SPPL2B: variants seen among roughly 807,000 people sequenced by gnomAD.
The protein encoded by SPPL2B is signal peptide peptidase-like 2B.
Under a neutral mutation model 59.7 loss-of-function variants are expected in SPPL2B, and 39 were observed. The observed-to-expected ratio is 0.65, with a 90% CI of 0.51 to 0.85. The LOEUF (loss-of-function observed/expected upper bound fraction) is 0.85, where lower values mean the gene tolerates loss of function less well. Ranked by LOEUF, SPPL2B falls within the 40% of genes least tolerant of loss-of-function variation. SPPL2B has a pLI of 0.00. For missense variants in SPPL2B, 865 were observed against 849.0 expected (o/e 1.02, Z -0.23); for synonymous variants, 419 against 370.8 (o/e 1.13, Z -1.49).
At position 2,353,352 on chromosome 19, in the gene SPPL2B, C is replaced by A; in HGVS notation, c.*143C>A. The A allele has an allele frequency of 9.2e-7, 1 of 1,085,802 alleles. No homozygotes were observed. Among genetic ancestry groups the A allele is most frequent in the Non-Finnish European group, 1.3e-6 (1 of 782,454 alleles). The allele number at this position is 1,085,802 out of a possible 1,614,324, so 67.3% of individuals were successfully genotyped here. Reference sequence around the variant, plus strand: ...CCACCCGCCCCAACATGGTGCTCATCCTTGCCGAGACCCCTGCGGTCTGTG... The same window carrying A: ...CCACCCGCCCCAACATGGTGCTCATACTTGCCGAGACCCCTGCGGTCTGTG... On this transcript the variant is annotated 3_prime_UTR_variant, in exon 15 of 15. Transcript: ENST00000613503.
chr19:2,337,462 A>G lies in SPPL2B; in HGVS notation c.206A>G (p.Asn69Ser), dbSNP rs1272390374. 5 of 1,608,090 alleles carry G rather than the reference A, an allele frequency of 3.1e-6. No individual in the cohort carries two copies. The highest frequency in any genetic ancestry group is 3.4e-6 in the Non-Finnish European group (4 of 1,176,494). The part of the protein sequence containing the change: ...LSKASFLQLR[N>S]WTASLLCSAA... ...TTCCAGTCTTTCCTGCAGCTGCGCA[A>G]CTGGACGGCCTCCCTGCTCTGCTCC... Residue 69 changes from asparagine (N) to serine (S), a missense_variant, in exon 3 of 15, where the codon AAC becomes AGC. Physicochemically the swap from Asn to Ser is conservative, Grantham distance 46. Transcript: ENST00000613503.
intron 10 of SPPL2B, 144 bp from the exon 11 acceptor site, chr19:2,344,218 C>A (rs1165413727): frequency 5.6e-6 from 3 of 536,516 alleles, no homozygotes; most frequent in African/African-American, 2.7e-5. Context: ...CACCCCATCA[C>A]CCTGCTCCCC....
chr19:2,337,249 C>A, intron 2 of SPPL2B, 194 bp from the exon 3 acceptor site: 1 of 516,246 alleles, frequency 1.9e-6, no homozygotes, highest in Non-Finnish European at 3.4e-6. Flanking sequence ...GATGAGGCAG[C>A]CCAGCCCGTC....
At position 2,346,053 on chromosome 19, in the gene SPPL2B, A is replaced by G. The variant is rs956879891; in HGVS notation, c.1354+723A>G. On this transcript the variant is annotated intron_variant, in intron 13 of 14. Coordinates refer to ENST00000613503, the MANE Select transcript of SPPL2B (RefSeq NM_152988.3). Reference sequence around the variant, plus strand: ...CTTTTTCTTCTTTGCCTTGTCTTCTACTGTTTCTTTTGTTATGAACGTATT... The same window carrying G: ...CTTTTTCTTCTTTGCCTTGTCTTCTGCTGTTTCTTTTGTTATGAACGTATT... Among the ~76,000 whole-genome samples, 4 of 151,020 alleles carry G rather than the reference A, an allele frequency of 2.6e-5. No homozygotes were observed. The South Asian group carries it at 6.3e-4, about 24-fold the overall frequency.
intron 6 of SPPL2B, 39 bp from the exon 7 acceptor site, chr19:2,340,037 G>A (rs770483932): frequency 1.3e-6 from 2 of 1,567,006 alleles, no homozygotes; most frequent in Non-Finnish European, 8.6e-7. Flanking sequence ...AGGGTGGCGT[G>A]CGGGCCTGGC....
intron 13 of SPPL2B, among the ~76,000 whole-genome samples, chr19:2,346,879 C>T (rs1228830446): frequency 2.6e-5 from 4 of 152,164 alleles, no homozygotes; most frequent in Non-Finnish European, 5.9e-5. Flanking sequence ...AATAGGGACG[C>T]TCCCCGTGGC....
intron 13 of SPPL2B, among the ~76,000 whole-genome samples, chr19:2,347,273 C>G (rs574328279): frequency 7.6e-6 from 1 of 131,380 alleles, no homozygotes; most frequent in African/African-American, 3.0e-5. Flanking sequence ...CACACACTCA[C>G]GCACTCTCAT....
intron 1 of SPPL2B, among the ~76,000 whole-genome samples, 163 bp from the exon 2 acceptor site, chr19:2,334,439 C>A (rs889962221): frequency 6.6e-6 from 1 of 152,220 alleles, no homozygotes; most frequent in African/African-American, 2.4e-5. Context: ...CGTATGGTCA[C>A]GTCCCTGTCT....
intron 8 of SPPL2B, chr19:2,341,267 G>C (rs1168704890): frequency 1.5e-6 from 1 of 659,086 alleles, no homozygotes; most frequent in Non-Finnish European, 2.8e-6. Context: ...GTGGCCAGGA[G>C]CCACGTCCTC....
rs1969264266 is a variant in SPPL2B at position 2,344,609 on chromosome 19, C to T, written c.1233C>T (p.Asp411=). The T allele has an allele frequency of 1.9e-6, 3 of 1,613,120 alleles. No homozygotes were observed. Among genetic ancestry groups the T allele is most frequent in the African/African-American group, 2.7e-5 (2 of 74,932 alleles). The part of the protein sequence containing the change: ...RLNSSPLALC[D]RPFSLLGFGD... ...ACTCCTCACCTCTGGCCCTGTGTGA[C>T]CGGCCCTTCTCCCTCCTGGGTTTCG... The change falls in exon 12 of 15, where the codon GAC becomes GAT. Residue 411 remains aspartate, a synonymous_variant. Coordinates refer to ENST00000613503, the MANE Select transcript of SPPL2B (RefSeq NM_152988.3).
intron 9 of SPPL2B, 21 bp downstream of exon 9, chr19:2,343,313 G>T (rs1476484272): frequency 6.5e-7 from 1 of 1,544,134 alleles, no homozygotes; most frequent in Non-Finnish European, 8.8e-7. Context: ...GGAGGGCACG[G>T]CTGCGGGGCA....
chr19:2,335,294 GCCCCGC>G lies in SPPL2B; in HGVS notation c.186+575_186+580del, dbSNP rs1471025529. 2.6e-3 allele frequency among the ~76,000 whole-genome samples: 348 copies of G among 133,938 alleles called. 45 individuals are homozygous for G. Among genetic ancestry groups the G allele is most frequent in the Admixed American group, 0.025 (337 of 13,308 alleles). The allele number at this position is 133,938 out of a possible 152,430, so 87.9% of individuals were successfully genotyped here. A position where few individuals can be genotyped will look rare whatever the true frequency, so the allele number is the denominator to read the frequency against. Reference sequence around the variant, plus strand: ...CCTCCTTTCCCACTGCATCCTTCAGGCCCCGCCTCCTTTCCCACTGCATCCTTCAGG... The same window carrying G: ...CCTCCTTTCCCACTGCATCCTTCAGGCTCCTTTCCCACTGCATCCTTCAGG... On this transcript the variant is annotated intron_variant, in intron 2 of 14. Coordinates refer to ENST00000613503, the MANE Select transcript of SPPL2B (RefSeq NM_152988.3).
At chr19:2,351,033 G>C (rs1969898399) in intron 13 of SPPL2B, among the ~76,000 whole-genome samples, 1 of 152,212 alleles carries the variant, frequency 6.6e-6, no homozygotes, top group Non-Finnish European at 1.5e-5. Flanking sequence ...AGGGTTTTCT[G>C]GTCAGGCACA....
In SPPL2B at chr19:2,354,385, C is replaced by G. The variant is rs1008782007; in HGVS notation, c.*1176C>G. ...CTTCCGAAGCAGCGCTCCCTGTGGC[C>G]GCAGAGACAGAGCCCGCACCCTGGC... On this transcript the variant is annotated 3_prime_UTR_variant, in exon 15 of 15. Transcript: ENST00000613503. 6.6e-6 allele frequency: 1 copy of G among 152,326 alleles called. No homozygotes were observed. The highest frequency in any genetic ancestry group is 1.5e-5 in the Non-Finnish European group (1 of 68,136). 9.4% of individuals were successfully genotyped at this position (152,326 alleles called of 1,614,324 possible).
chr19:2,340,034 C>T (rs776618411), intron 6 of SPPL2B, 42 bp from the exon 7 acceptor site: 39 of 1,562,862 alleles, frequency 2.5e-5, no homozygotes, highest in Non-Finnish European at 3.0e-5. Flanking sequence ...GGGAGGGTGG[C>T]GTGCGGGCCT....
At chr19:2,341,405 C>T (rs1455238648) in intron 8 of SPPL2B, 3 of 468,238 alleles carry the variant, frequency 6.4e-6, no homozygotes, top group Admixed American at 2.3e-5. Context: ...CCAGGGCACC[C>T]GGTCCTCTTG....
Position 2,328,718 on chromosome 19 carries a change from AGCGGTGGCGGCT to A in SPPL2B, c.13_24del (p.Val5_Ala8del), listed in dbSNP as rs1196445228. The stretch of plus-strand genomic sequence containing the variant: ...GGCGGGCACCGGCCGACATGGCGGC[AGCGGTGGCGGCT>A]GCGCTGGCGCGGCTTTTGGCGGCCT... On this transcript the variant is annotated inframe_deletion, in exon 1 of 15. Transcript: ENST00000613503. 3.5e-6 allele frequency: 5 copies of A among 1,448,016 alleles called. No individual in the cohort carries two copies. Among genetic ancestry groups the A allele is most frequent in the Middle Eastern group, 2.3e-4 (1 of 4,300 alleles). The allele number at this position is 1,448,016 out of a possible 1,614,324, so 89.7% of individuals were successfully genotyped here.
At position 2,340,187 on chromosome 19, in the gene SPPL2B, C is replaced by T. The variant is rs782280326; in HGVS notation, c.839+15C>T. The T allele has an allele frequency of 7.2e-6, 11 of 1,533,866 alleles. No homozygotes were observed. Among genetic ancestry groups the T allele is most frequent in the South Asian group, 1.2e-5 (1 of 81,974 alleles). On this transcript the variant is annotated intron_variant, in intron 7 of 14. Coordinates refer to ENST00000613503, the MANE Select transcript of SPPL2B (RefSeq NM_152988.3). Reference sequence around the variant, plus strand: ...GGCAAGTGCAGGTGAGTCTGCCCTGCTGGCCCCGACGTGCCTGACTCTGTG... The same window carrying T: ...GGCAAGTGCAGGTGAGTCTGCCCTGTTGGCCCCGACGTGCCTGACTCTGTG...
Position 2,344,000 on chromosome 19 carries a change from C to A in SPPL2B, c.1074C>A (p.Tyr358Ter). 6.5e-7 allele frequency: 1 copy of A among 1,548,462 alleles called. No homozygotes were observed. Among genetic ancestry groups the A allele is most frequent in the Non-Finnish European group, 8.7e-7 (1 of 1,146,696 alleles). Residue 358 changes from tyrosine to a stop codon, truncating the protein, a stop_gained, in exon 10 of 15, where the codon TAC becomes TAA. Transcript: ENST00000613503. LOFTEE classifies it high-confidence loss of function. ...TGCTGCTGCTGGTGCTGTTCCTCTA[C>A]GACATCTTCTTCGTGTTCATCACGC... Reference protein sequence around the residue: ...CTLLLLVLFLYDIFFVFITPF... With the variant: ...CTLLLLVLFL
Sources: allele counts gnomAD v4.1 joint callset (sites outside exome capture counted in the v4.1 genomes callset), GRCh38; gene constraint gnomAD v4.1.1; transcripts MANE v1.5; gene names NCBI Gene and HGNC (gene_info 2026-07-23, HGNC 2026-07-21).